NCKAP1: variants seen among roughly 807,000 people sequenced by gnomAD.
NCKAP1 encodes the protein nck-associated protein 1.
A neutral mutation model predicts 151.2 loss-of-function variants in NCKAP1; 21 were observed. That is an observed-to-expected ratio of 0.14 (90% CI 0.10 to 0.20). The LOEUF (loss-of-function observed/expected upper bound fraction) is 0.20, where lower values mean the gene tolerates loss of function less well. NCKAP1 is among the 10% of genes least tolerant of loss of function. The pLI is 1.00. For missense variants in NCKAP1, 933 were observed against 1,352.1 expected, an observed-to-expected ratio of 0.69 and a Z score of 4.86; for synonymous variants, 484 against 451.8, an observed-to-expected ratio of 1.07 and a Z score of -0.90.
chr2:182,921,921 T>G lies in NCKAP1; in HGVS notation c.*3781A>C, dbSNP rs751602047. The G allele has an allele frequency of 7.9e-5, 12 of 152,206 alleles. No homozygotes were observed. Among genetic ancestry groups the G allele is most frequent in the Non-Finnish European group, 1.6e-4 (11 of 68,038 alleles). The allele number at this position is 152,206 out of a possible 1,614,324, so 9.4% of individuals were successfully genotyped here. A position where few individuals can be genotyped will look rare whatever the true frequency, so the allele number is the denominator to read the frequency against. On this transcript the variant is annotated 3_prime_UTR_variant, in exon 31 of 31. Coordinates refer to ENST00000361354, the MANE Select transcript of NCKAP1 (RefSeq NM_013436.5). ...CCACAGGACCAATTAACGAAAAACA[T>G]AATTTTTGTACTACAGAATAAAAAT...
chr2:182,999,132 TATA>T (rs1698330141), intron 6 of NCKAP1, among the ~76,000 whole-genome samples: 1 of 152,148 alleles, frequency 6.6e-6, no homozygotes, highest in African/African-American at 2.4e-5. Context: ...TCATTTTTCA[TATA>T]ATTAGAAAAA....
chr2:182,958,733 C>A (rs1326681909), intron 18 of NCKAP1, among the ~76,000 whole-genome samples: 1 of 152,132 alleles, frequency 6.6e-6, no homozygotes, highest in African/African-American at 2.4e-5. Flanking sequence ...AAAAACCACA[C>A]AGGTACAAAT....
rs1333485959 is a variant in NCKAP1, at chr2:182,924,690, T to TA, written c.*1011dup. ...ATTTTTAAGAAGTATTGTGTAATTTTATTTTCTAATTTTGGTATTTTTTTC... is the reference window on the plus strand; with the variant it reads ...ATTTTTAAGAAGTATTGTGTAATTTTAATTTTCTAATTTTGGTATTTTTTTC... On this transcript the variant is annotated 3_prime_UTR_variant, in exon 31 of 31. Transcript: ENST00000361354. The TA allele has an allele frequency of 1.3e-5, 2 of 152,196 alleles. No individual in the cohort carries two copies. Among genetic ancestry groups the TA allele is most frequent in the Non-Finnish European group, 2.9e-5 (2 of 68,008 alleles). The allele number at this position is 152,196 out of a possible 1,614,324, so 9.4% of individuals were successfully genotyped here. A position where few individuals can be genotyped will look rare whatever the true frequency, so the allele number is the denominator to read the frequency against.
At chr2:183,025,917 T>C (rs1479198271) in intron 1 of NCKAP1, among the ~76,000 whole-genome samples, 1 of 152,206 alleles carries the variant, frequency 6.6e-6, no homozygotes, top group Non-Finnish European at 1.5e-5. Flanking sequence ...TTCTAACTAT[T>C]GAAAAATTTA....
At chr2:182,967,693 T>G (rs919410599) in intron 15 of NCKAP1, among the ~76,000 whole-genome samples, 6 of 152,074 alleles carry the variant, frequency 3.9e-5, no homozygotes, top group African/African-American at 1.4e-4. Context: ...TCGACCTAAT[T>G]TAAGAGACAA....
intron 24 of NCKAP1, among the ~76,000 whole-genome samples, chr2:182,939,880 T>C (rs1696960445): frequency 6.6e-6 from 1 of 152,228 alleles, no homozygotes; most frequent in South Asian, 2.1e-4. Context: ...ATTTGATTTA[T>C]ATGGGTCATT....
At chr2:182,967,497 T>C in intron 15 of NCKAP1, 136 bp from the exon 16 acceptor site, 1 of 732,434 alleles carries the variant, frequency 1.4e-6, no homozygotes, top group Non-Finnish European at 2.2e-6. Flanking sequence ...TCTACTGTGT[T>C]AGTTGTCTGT....
rs532787684 is a variant in NCKAP1, at chr2:182,981,802, G to A, written c.1209-426C>T. Among the ~76,000 whole-genome samples the A allele has an allele frequency of 2.2e-3, 328 of 151,350 alleles. 1 individual carries two copies. The highest frequency in any genetic ancestry group is 3.4e-3 in the Middle Eastern group (1 of 294). On this transcript the variant is annotated intron_variant, in intron 12 of 30. Coordinates refer to ENST00000361354, the MANE Select transcript of NCKAP1 (RefSeq NM_013436.5). ...TGGGTGTCTGTAATCCCAGCTACTT[G>A]GGAGGCTGAGACAGGAGAATCACTT... is the stretch of plus-strand genomic sequence containing the variant.
chr2:182,970,196 C>G (rs1697658274), intron 15 of NCKAP1, among the ~76,000 whole-genome samples: 1 of 152,250 alleles, frequency 6.6e-6, no homozygotes, highest in South Asian at 2.1e-4. Flanking sequence ...AGAACTAATA[C>G]CAATTCTACT....
At chr2:183,027,550 C>G (rs79505104) in intron 1 of NCKAP1, among the ~76,000 whole-genome samples, 8,242 of 152,072 alleles carry the variant, frequency 0.054, 298 homozygotes, top group Non-Finnish European at 0.08. Flanking sequence ...AGAACCATAA[C>G]AAATAATTCA....
In NCKAP1 at chr2:182,921,525, C is replaced by G. The variant is rs1470911648; in HGVS notation, c.*4177G>C. On this transcript the variant is annotated 3_prime_UTR_variant, in exon 31 of 31. Transcript: ENST00000361354. Reference sequence around the variant, plus strand: ...TTTGTGGCCCTCATGTAAGAGGTGACCAAGATGCACCTGCACCAAGAGCAC... The same window carrying G: ...TTTGTGGCCCTCATGTAAGAGGTGAGCAAGATGCACCTGCACCAAGAGCAC... The G allele has an allele frequency of 6.6e-6, 1 of 152,110 alleles. No individual in the cohort carries two copies. The highest frequency in any genetic ancestry group is 1.9e-4 in the East Asian group (1 of 5,190). 9.4% of individuals were successfully genotyped at this position (152,110 alleles called of 1,614,324 possible).
chr2:182,969,978 T>G (rs1375493507), intron 15 of NCKAP1, among the ~76,000 whole-genome samples: 2 of 151,860 alleles, frequency 1.3e-5, no homozygotes, highest in African/African-American at 4.8e-5. Flanking sequence ...TTCCAAGGAT[T>G]AGAGATTATG....
At chr2:182,937,059 G>A (rs1240631234) in intron 24 of NCKAP1, among the ~76,000 whole-genome samples, 1 of 130,022 alleles carries the variant, frequency 7.7e-6, no homozygotes, top group Non-Finnish European at 1.5e-5. Flanking sequence ...AGGCTGCAGT[G>A]AGCCAAGATC....
At chr2:182,981,147 CATG>C (rs1697928472) in intron 13 of NCKAP1, 94 bp downstream of exon 13, 2 of 1,410,224 alleles carry the variant, frequency 1.4e-6, no homozygotes, top group Non-Finnish European at 2.0e-6. Flanking sequence ...TCACTTGGCA[CATG>C]ATATTTCATA....
At chr2:182,971,838 GCTGAGAAAA>G (rs1274015856) in intron 15 of NCKAP1, among the ~76,000 whole-genome samples, 2 of 152,082 alleles carry the variant, frequency 1.3e-5, no homozygotes, top group African/African-American at 4.8e-5. Flanking sequence ...AATAAATTGT[GCTGAGAAAA>G]CTGGATATCC....
At chr2:182,998,199 G>A (rs1158602208) in intron 6 of NCKAP1, among the ~76,000 whole-genome samples, 28 of 152,068 alleles carry the variant, frequency 1.8e-4, no homozygotes, top group Admixed American at 1.8e-3. Flanking sequence ...TGCCATCTAT[G>A]ACAAACCCAT....
rs1399612639 is a variant in NCKAP1 at position 183,004,374 on chromosome 2, A to AG, written c.220-1050_220-1049insC. 2.6e-5 allele frequency among the ~76,000 whole-genome samples: 4 copies of AG among 152,118 alleles called. No homozygotes were observed. The East Asian group carries it at 7.7e-4, about 29-fold the overall frequency. On this transcript the variant is annotated intron_variant, in intron 2 of 30. Transcript: ENST00000361354. ...GGAACGTTAGGGGGAAGATGCATCC[A>AG]TACATAATTGTACTGAACCACTATG...
At chr2:182,927,520 T>C in intron 29 of NCKAP1, among the ~76,000 whole-genome samples, 1 of 151,926 alleles carries the variant, frequency 6.6e-6, no homozygotes, top group East Asian at 1.9e-4. Flanking sequence ...TTCGTTTAAA[T>C]AAAATATGGA....
chr2:183,032,825 T>C (rs920725733), intron 1 of NCKAP1, among the ~76,000 whole-genome samples: 2 of 152,122 alleles, frequency 1.3e-5, no homozygotes, highest in African/African-American at 2.4e-5. Context: ...AGCGAGTGGA[T>C]TGCTCGACCC....
Sources: gnomAD v4.1 joint callset for allele counts (sites outside exome capture counted in the v4.1 genomes callset) on GRCh38, gnomAD v4.1.1 for gene constraint, MANE v1.5 for transcripts, NCBI Gene and HGNC (gene_info 2026-07-23, HGNC 2026-07-21) for gene names.